Variants in PSME4 observed in about 807,000 individuals in gnomAD.
The protein encoded by PSME4 is proteasome activator complex subunit 4.
A neutral mutation model predicts 253.9 loss-of-function variants in PSME4; 89 were observed. That is an observed-to-expected ratio of 0.35 (90% confidence interval 0.30 to 0.42). The LOEUF is 0.42. Ranked by LOEUF, PSME4 falls within the 10% of genes least tolerant of loss-of-function variation. The pLI, the probability that PSME4 is intolerant of heterozygous loss-of-function variation, is 1.00. For missense variants in PSME4, 2,014 were observed against 2,195.2 expected (o/e 0.92, Z 1.65); for synonymous variants, 851 against 759.2 (o/e 1.12, Z -1.99).
At chr2:53,968,552 G>A (rs1038069271) in intron 1 of PSME4, among the ~76,000 whole-genome samples, 2 of 152,118 alleles carry the variant, frequency 1.3e-5, no homozygotes, top group Admixed American at 1.3e-4. Flanking sequence ...ACATGACTTA[G>A]GAAAAAAACA....
At chr2:53,923,913 CAAAAAAAAAAAAAAAAAAAA>C (rs199929436) in intron 14 of PSME4, among the ~76,000 whole-genome samples, 4 of 96,876 alleles carry the variant, frequency 4.1e-5, no homozygotes, top group Non-Finnish European at 6.1e-5. Context: ...ACAGAGTTAA[CAAAAAAAAAAAAAAAAAAAA>C]AAAAAAAAAA....
chr2:53,928,094 T>A, intron 11 of PSME4, 23 bp downstream of exon 11: 2 of 1,573,110 alleles, frequency 1.3e-6, no homozygotes, highest in African/African-American at 1.3e-5. Context: ...AAATACGGAG[T>A]GTATAATCAC....
intron 43 of PSME4, among the ~76,000 whole-genome samples, chr2:53,872,074 A>T (rs922702036): frequency 1.3e-5 from 2 of 152,140 alleles, no homozygotes; most frequent in African/African-American, 4.8e-5. Context: ...GTAATATGAG[A>T]TGTTTTAATT....
chr2:53,943,833 A>T (rs1669571719), intron 3 of PSME4, among the ~76,000 whole-genome samples: 1 of 148,982 alleles, frequency 6.7e-6, no homozygotes, highest in African/African-American at 2.5e-5. Flanking sequence ...CAACAGCAAA[A>T]AAAACTCCAT....
At chr2:53,944,102 C>A (rs774723761) in intron 3 of PSME4, among the ~76,000 whole-genome samples, 1 of 152,094 alleles carries the variant, frequency 6.6e-6, no homozygotes, top group Non-Finnish European at 1.5e-5. Flanking sequence ...AGAAAGAACA[C>A]TGTAGCACAG....
At chr2:53,895,893 T>C (rs1229004042) in intron 32 of PSME4, among the ~76,000 whole-genome samples, 157 bp from the exon 33 acceptor site, 1 of 152,176 alleles carries the variant, frequency 6.6e-6, no homozygotes, top group Non-Finnish European at 1.5e-5. Context: ...TGGAGGCACA[T>C]TTCAAAACAG....
At chr2:53,962,126 G>C (rs558839691) in intron 1 of PSME4, among the ~76,000 whole-genome samples, 2 of 152,296 alleles carry the variant, frequency 1.3e-5, no homozygotes, top group East Asian at 3.9e-4. Flanking sequence ...TGGGAGCTAA[G>C]AACATAAAGT....
intron 3 of PSME4, among the ~76,000 whole-genome samples, chr2:53,946,057 T>C (rs1373085584): frequency 2.0e-5 from 3 of 152,152 alleles, no homozygotes; most frequent in African/African-American, 7.2e-5. Flanking sequence ...AGAGACATGG[T>C]AAACATAATC....
chr2:53,898,177 C>T, intron 30 of PSME4, 124 bp downstream of exon 30: 1 of 1,199,050 alleles, frequency 8.3e-7, no homozygotes, highest in Non-Finnish European at 1.2e-6. Flanking sequence ...TCTTAATCTG[C>T]TTCCAAATAC....
chr2:53,938,139 T>C (rs1364128217), intron 4 of PSME4, among the ~76,000 whole-genome samples: 3 of 152,166 alleles, frequency 2.0e-5, no homozygotes, highest in Admixed American at 6.6e-5. Flanking sequence ...AGAGTTTTTG[T>C]CTTACTTCCT....
intron 4 of PSME4, among the ~76,000 whole-genome samples, chr2:53,938,167 T>TA (rs536586773): frequency 1.3e-5 from 2 of 151,568 alleles, no homozygotes; most frequent in East Asian, 1.9e-4. Context: ...ATGTAACAAT[T>TA]AAAAAAAAAT....
intron 20 of PSME4, among the ~76,000 whole-genome samples, chr2:53,918,781 A>C (rs1328408978): frequency 6.6e-6 from 1 of 152,174 alleles, no homozygotes; most frequent in Non-Finnish European, 1.5e-5. Context: ...TTTTTTTTTA[A>C]AGTTTTTTGC....
chr2:53,938,504 C>A (rs1301003355), intron 4 of PSME4, among the ~76,000 whole-genome samples: 1 of 147,466 alleles, frequency 6.8e-6, no homozygotes, highest in Non-Finnish European at 1.5e-5. Flanking sequence ...AGACAAGAGT[C>A]TCACTGTGTT....
chr2:53,870,592 G>A (rs1678828054), intron 43 of PSME4: 2 of 151,470 alleles, frequency 1.3e-5, no homozygotes, highest in Middle Eastern at 3.4e-3. Context: ...TAGCCAGGAT[G>A]GTCTTGATCT....
chr2:53,950,790 A>G (rs561191068), intron 1 of PSME4, among the ~76,000 whole-genome samples: 5 of 151,184 alleles, frequency 3.3e-5, no homozygotes, highest in Non-Finnish European at 4.4e-5. Context: ...GCGGTGAGCC[A>G]AGAGTGTGCC....
rs757726560 is a variant in PSME4, at chr2:53,897,819, G to A, written c.3606+51C>T. On this transcript the variant is annotated intron_variant, in intron 31 of 46. Coordinates refer to ENST00000404125, the MANE Select transcript of PSME4 (RefSeq NM_014614.3). ...CTTGTGAAGAATTTAAAGACTTCAGGTCACGTACATATTCTCAAACCCAAG... is the reference window on the plus strand; with the variant it reads ...CTTGTGAAGAATTTAAAGACTTCAGATCACGTACATATTCTCAAACCCAAG... The A allele has an allele frequency of 3.6e-5, 56 of 1,572,448 alleles. 1 individual carries two copies. The highest frequency in any genetic ancestry group is 4.8e-5 in the Non-Finnish European group (55 of 1,143,298).
chr2:53,938,581 A>C (rs923459111), intron 4 of PSME4, among the ~76,000 whole-genome samples: 1 of 151,516 alleles, frequency 6.6e-6, no homozygotes, highest in Admixed American at 6.6e-5. Flanking sequence ...AGTAGCTGCT[A>C]CTACAGGAGA....
intron 34 of PSME4, among the ~76,000 whole-genome samples, chr2:53,894,615 G>GT (rs1160442504): frequency 6.6e-6 from 1 of 152,166 alleles, no homozygotes; most frequent in Non-Finnish European, 1.5e-5. Flanking sequence ...AGTTTAAGGA[G>GT]TTTTAACTGA....
intron 14 of PSME4, 131 bp from the exon 15 acceptor site, chr2:53,923,550 AT>A (rs1291085767): frequency 1.6e-6 from 2 of 1,217,978 alleles, no homozygotes; most frequent in South Asian, 3.8e-5. Flanking sequence ...TAACCATCTG[AT>A]TTTATAAGAA....
Sources: gnomAD v4.1 joint callset for allele counts (sites outside exome capture counted in the v4.1 genomes callset) on GRCh38, gnomAD v4.1.1 for gene constraint, MANE v1.5 for transcripts, NCBI Gene and HGNC (gene_info 2026-07-23, HGNC 2026-07-21) for gene names.